Variants in SMCHD1 observed in about 807,000 individuals in gnomAD.
SMCHD1 encodes the protein structural maintenance of chromosomes flexible hinge domain containing 1.
A neutral mutation model predicts 254.7 loss-of-function variants in SMCHD1; 78 were observed. The observed-to-expected ratio is 0.31, with a 90% CI of 0.26 to 0.37. The LOEUF (loss-of-function observed/expected upper bound fraction) is 0.37, where lower values mean the gene tolerates loss of function less well. Among genes scored for constraint, SMCHD1 ranks in the 10% least tolerant of loss-of-function variants. SMCHD1 has a pLI of 1.00. For synonymous variants in SMCHD1, 766 were observed against 794.9 expected (o/e 0.96, Z 0.61); for missense variants, 1,840 against 2,408.1 (o/e 0.76, Z 4.94).
intron 24 of SMCHD1, 112 bp from the exon 25 acceptor site, chr18:2,732,153 T>G: frequency 6.9e-6 from 5 of 728,784 alleles, no homozygotes; most frequent in Non-Finnish European, 1.1e-5. Flanking sequence ...ACAAAACCTG[T>G]GAGTATAACA....
At chr18:2,703,410 T>A (rs1249461451) in intron 12 of SMCHD1, among the ~76,000 whole-genome samples, 1 of 152,162 alleles carries the variant, frequency 6.6e-6, no homozygotes, top group East Asian at 1.9e-4. Context: ...CAGTTTTTAG[T>A]GTATCCTAGG....
intron 5 of SMCHD1, among the ~76,000 whole-genome samples, chr18:2,676,541 A>G (rs143097204): frequency 6.6e-6 from 1 of 152,334 alleles, no homozygotes; most frequent in East Asian, 1.9e-4. Flanking sequence ...AAAGGAGACT[A>G]TTGTGACTGT....
intron 28 of SMCHD1, among the ~76,000 whole-genome samples, chr18:2,742,311 T>C (rs1166584822): frequency 3.3e-5 from 5 of 152,210 alleles, no homozygotes; most frequent in Non-Finnish European, 7.3e-5. Flanking sequence ...GAATTGTGTA[T>C]TTAATTCTGT....
intron 30 of SMCHD1, among the ~76,000 whole-genome samples, chr18:2,748,340 A>AG (rs1262945829): frequency 1.5e-4 from 18 of 117,754 alleles, no homozygotes; most frequent in African/African-American, 6.5e-4. Flanking sequence ...GTCTTTGCAA[A>AG]GTTGTGTGTG....
chr18:2,707,984 T>A, intron 17 of SMCHD1, 64 bp downstream of exon 17: 1 of 1,004,790 alleles, frequency 1.0e-6, no homozygotes, highest in East Asian at 2.8e-5. Context: ...AAATTAAATA[T>A]CTTCATGTAA....
intron 1 of SMCHD1, among the ~76,000 whole-genome samples, chr18:2,663,980 G>T (rs2143790225): frequency 6.6e-6 from 1 of 152,248 alleles, no homozygotes; most frequent in African/African-American, 2.4e-5. Flanking sequence ...CTCCCAAAGT[G>T]CTGGGATTAC....
intron 13 of SMCHD1, among the ~76,000 whole-genome samples, chr18:2,704,185 C>T (rs1308565440): frequency 6.6e-6 from 1 of 151,946 alleles, no homozygotes; most frequent in Non-Finnish European, 1.5e-5. Context: ...ATTGGCTCCT[C>T]AGGAGCTAGG....
At chr18:2,765,979 C>T (rs1056853242) in intron 37 of SMCHD1, among the ~76,000 whole-genome samples, 2 of 136,096 alleles carry the variant, frequency 1.5e-5, no homozygotes, top group Non-Finnish European at 3.3e-5. Context: ...ACCTGTTTTC[C>T]TGTTTAGCTA....
chr18:2,660,280 G>T (rs1040377093), intron 1 of SMCHD1, among the ~76,000 whole-genome samples: 33 of 151,996 alleles, frequency 2.2e-4, no homozygotes, highest in Admixed American at 2.2e-3. Context: ...AGCTGAGAAC[G>T]CACCGCTGCA....
chr18:2,746,513 G>T (rs898776682), intron 29 of SMCHD1, among the ~76,000 whole-genome samples: 2 of 152,156 alleles, frequency 1.3e-5, no homozygotes, highest in African/African-American at 2.4e-5. Context: ...TTTGGCAGAG[G>T]GAACATGGCT....
intron 24 of SMCHD1, 46 bp downstream of exon 24, chr18:2,729,455 C>A: frequency 7.4e-7 from 1 of 1,351,946 alleles, no homozygotes; most frequent in Non-Finnish European, 9.7e-7. Flanking sequence ...AGTCTTCATA[C>A]AAATAGTCTT....
intron 47 of SMCHD1, among the ~76,000 whole-genome samples, chr18:2,797,296 A>G (rs2076281002): frequency 6.6e-6 from 1 of 152,244 alleles, no homozygotes; most frequent in South Asian, 2.1e-4. Context: ...TCATAGTAAG[A>G]AAACTGTCCC....
chr18:2,792,850 A>G (rs1174948495), intron 45 of SMCHD1, among the ~76,000 whole-genome samples: 2 of 152,168 alleles, frequency 1.3e-5, no homozygotes, highest in Middle Eastern at 3.2e-3. Context: ...TTGTTATGGG[A>G]ATAGAGCAGT....
intron 37 of SMCHD1, among the ~76,000 whole-genome samples, chr18:2,766,432 G>T (rs1221451886): frequency 6.6e-6 from 1 of 152,210 alleles, no homozygotes; most frequent in African/African-American, 2.4e-5. Flanking sequence ...CATGTAAATT[G>T]TACTCTTACC....
intron 23 of SMCHD1, 66 bp from the exon 24 acceptor site, chr18:2,729,209 G>A: frequency 1.6e-6 from 2 of 1,263,704 alleles, no homozygotes; most frequent in Non-Finnish European, 2.1e-6. Flanking sequence ...TTGAAACTTT[G>A]AACAATTACG....
Position 2,760,818 on chromosome 18 carries a change from A to G in SMCHD1, c.4434+79A>G, listed in dbSNP as rs1027542666. On this transcript the variant is annotated intron_variant, in intron 35 of 47. Transcript: ENST00000320876. ...CCCTCTTGGTTCTGCATTACATGAA[A>G]TAGCTTCACATTTTCTCATTTAGTT... The G allele has an allele frequency of 4.4e-6, 3 of 689,358 alleles. No homozygotes were observed. The African/African-American group carries it at 5.4e-5, about 13-fold the overall frequency. The allele number at this position is 689,358 out of a possible 1,614,324, so 42.7% of individuals were successfully genotyped here.
intron 44 of SMCHD1, among the ~76,000 whole-genome samples, chr18:2,779,973 C>T (rs2076127326): frequency 1.3e-5 from 2 of 152,152 alleles, no homozygotes; most frequent in Admixed American, 6.5e-5. Context: ...GGTACAGTGG[C>T]TCCTGCCTGT....
rs886044519 is a variant in SMCHD1 at position 2,703,845 on chromosome 18, G to T, written c.1801G>T (p.Ala601Ser). ...KKQGPWATYA[A>S]IEWDGKIYKA... ...GCAAGGTCCCTGGGCAACATATGCA[G>T]CAATAGAATGGGATGGAAAGATATA... The change falls in exon 13 of 48, where the codon GCA (alanine) becomes TCA (serine). Residue 601 changes from alanine to serine, a missense_variant. This residue lies in a region of SMCHD1 where 498 missense variants were observed against 743.5 expected (regional missense o/e 0.67). Transcript: ENST00000320876. 1.9e-6 allele frequency: 3 copies of T among 1,611,264 alleles called. No homozygotes were observed.
In SMCHD1 at chr18:2,771,410, T is replaced by G. The variant is rs938368774; in HGVS notation, c.4967-123T>G. 4.6e-6 allele frequency: 3 copies of G among 659,248 alleles called. No individual in the cohort carries two copies. The African/African-American group carries it at 5.8e-5, about 13-fold the overall frequency. 40.8% of individuals were successfully genotyped at this position (659,248 alleles called of 1,614,324 possible). A position where few individuals can be genotyped will look rare whatever the true frequency, so the allele number is the denominator to read the frequency against. On this transcript the variant is annotated intron_variant, in intron 39 of 47. Coordinates refer to ENST00000320876, the MANE Select transcript of SMCHD1 (RefSeq NM_015295.3). ...TTTGAATTTCTGAAATGGTCACCTATCAGTTTTCATTTTAGCAACAGACAT... is the reference window on the plus strand; with the variant it reads ...TTTGAATTTCTGAAATGGTCACCTAGCAGTTTTCATTTTAGCAACAGACAT...
Sources: allele counts gnomAD v4.1 joint callset (sites outside exome capture counted in the v4.1 genomes callset), GRCh38; gene constraint gnomAD v4.1.1; regional missense constraint gnomAD v4.1.1; transcripts MANE v1.5; gene names NCBI Gene and HGNC (gene_info 2026-07-23, HGNC 2026-07-21).